Variants in STK25 observed in about 807,000 individuals in gnomAD.
STK25 encodes serine/threonine-protein kinase 25.
STK25 carries 29 observed loss-of-function variants against 53.8 expected under a neutral mutation model. The ratio of observed to expected loss-of-function variants is 0.54; its 90% CI spans 0.40 to 0.74. STK25 has a LOEUF of 0.74. Among genes scored for constraint, STK25 ranks in the 30% least tolerant of loss-of-function variants. The pLI, the probability that STK25 is intolerant of heterozygous loss-of-function variation, is 0.00. For synonymous variants in STK25, 247 were observed against 238.3 expected, an observed-to-expected ratio of 1.04 and a Z score of -0.33; for missense variants, 420 against 568.0, an observed-to-expected ratio of 0.74 and a Z score of 2.65.
In STK25 at chr2:241,492,876, A is replaced by C; in HGVS notation, c.*2786T>G. The C allele has an allele frequency of 1.9e-6, 2 of 1,071,382 alleles. No individual in the cohort carries two copies. Among genetic ancestry groups the C allele is most frequent in the South Asian group, 2.5e-5 (2 of 78,870 alleles). The allele number at this position is 1,071,382 out of a possible 1,614,324, so 66.4% of individuals were successfully genotyped here. ...AGTCTTGGGGAGCAAACCCACTCCC[A>C]CAAGGGGTCCTGGGTGCTGGTTAAT... On this transcript the variant is annotated 3_prime_UTR_variant, in exon 12 of 12. Coordinates refer to ENST00000316586, the MANE Select transcript of STK25 (RefSeq NM_001271977.2).
chr2:241,504,476 C>T (rs2065702067), intron 2 of STK25, among the ~76,000 whole-genome samples: 1 of 152,150 alleles, frequency 6.6e-6, no homozygotes, highest in Non-Finnish European at 1.5e-5. Flanking sequence ...GCTGTGTCTG[C>T]CCCCAGCCCC....
At chr2:241,499,473 C>G in intron 5 of STK25, 59 bp from the exon 6 acceptor site, 1 of 1,573,854 alleles carries the variant, frequency 6.4e-7, no homozygotes, top group Non-Finnish European at 8.6e-7. Context: ...CACCCCGGGC[C>G]CCCTGAGAAG....
Position 241,492,878 on chromosome 2 carries a change from A to G in STK25, c.*2784T>C, listed in dbSNP as rs568726766. 66 of 1,076,822 alleles carry G rather than the reference A, an allele frequency of 6.1e-5. 1 individual carries two copies. The South Asian group carries it at 7.8e-4, about 13-fold the overall frequency. 66.7% of individuals were successfully genotyped at this position (1,076,822 alleles called of 1,614,324 possible). A position where few individuals can be genotyped will look rare whatever the true frequency, so the allele number is the denominator to read the frequency against. On this transcript the variant is annotated 3_prime_UTR_variant, in exon 12 of 12. Transcript: ENST00000316586. Reference sequence around the variant, plus strand: ...TCTTGGGGAGCAAACCCACTCCCACAAGGGGTCCTGGGTGCTGGTTAATGC... The same window carrying G: ...TCTTGGGGAGCAAACCCACTCCCACGAGGGGTCCTGGGTGCTGGTTAATGC...
At position 241,507,990 on chromosome 2, in the gene STK25, C is replaced by G; in HGVS notation, c.30+16G>C. 1 of 1,596,770 alleles carries G rather than the reference C, an allele frequency of 6.3e-7. No homozygotes were observed. Among genetic ancestry groups the G allele is most frequent in the Non-Finnish European group, 8.5e-7 (1 of 1,172,510 alleles). Reference sequence around the variant, plus strand: ...GGTGAGAGGCCGCTAGTCTTCCTGACCTGCACCCTTCTCACCTGGTTGGCA... The same window carrying G: ...GGTGAGAGGCCGCTAGTCTTCCTGAGCTGCACCCTTCTCACCTGGTTGGCA... On this transcript the variant is annotated intron_variant, in intron 2 of 11. Transcript: ENST00000316586.
chr2:241,495,817 T>G, intron 11 of STK25, 116 bp from the exon 12 acceptor site: 3 of 1,013,440 alleles, frequency 3.0e-6, no homozygotes, highest in Non-Finnish European at 3.1e-6. Context: ...ACCACGTGGG[T>G]CTGAAGGTGT....
intron 7 of STK25, 27 bp from the exon 8 acceptor site, chr2:241,498,811 C>T: frequency 6.2e-7 from 1 of 1,613,004 alleles, no homozygotes; most frequent in Admixed American, 1.7e-5. Context: ...GAACACTAGT[C>T]ACTGGGCCCA....
intron 2 of STK25, among the ~76,000 whole-genome samples, chr2:241,502,972 T>A (rs2065601417): frequency 6.6e-6 from 1 of 152,168 alleles, no homozygotes; most frequent in Non-Finnish European, 1.5e-5. Context: ...GCCTAAAAGT[T>A]TCTGAGCCAG....
At chr2:241,504,414 C>T (rs34227388) in intron 2 of STK25, among the ~76,000 whole-genome samples, 19,046 of 152,180 alleles carry the variant, frequency 0.13, 1,315 homozygotes, top group Middle Eastern at 0.15. Context: ...TCAAGAAACT[C>T]GGCAGGATAG....
chr2:241,508,994 G>C (rs762941411), upstream of STK25, among the ~76,000 whole-genome samples: 3 of 152,160 alleles, frequency 2.0e-5, no homozygotes, highest in Non-Finnish European at 4.4e-5. Flanking sequence ...GAGGCCCGGC[G>C]CCCTCCCCGC....
In STK25 at chr2:241,493,001, A is replaced by G; in HGVS notation, c.*2661T>C. Reference sequence around the variant, plus strand: ...CTGGCAGAAGCTCTGGGTCGTCTTTACCAACTTCTGTTTGTTCTTCTACAA... The same window carrying G: ...CTGGCAGAAGCTCTGGGTCGTCTTTGCCAACTTCTGTTTGTTCTTCTACAA... On this transcript the variant is annotated 3_prime_UTR_variant, in exon 12 of 12. Transcript: ENST00000316586. 1 of 1,610,564 alleles carries G rather than the reference A, an allele frequency of 6.2e-7. No homozygotes were observed. Among genetic ancestry groups the G allele is most frequent in the Non-Finnish European group, 8.5e-7 (1 of 1,176,796 alleles).
intron 2 of STK25, 151 bp downstream of exon 2, chr2:241,507,855 C>T: frequency 1.3e-6 from 1 of 775,478 alleles, no homozygotes; most frequent in Non-Finnish European, 2.0e-6. Context: ...GCCCTGCGCC[C>T]ACCTCAGGAC....
At position 241,496,644 on chromosome 2, in the gene STK25, G is replaced by A. The variant is rs893717883; in HGVS notation, c.1105-110C>T. On this transcript the variant is annotated intron_variant, in intron 10 of 11. Coordinates refer to ENST00000316586, the MANE Select transcript of STK25 (RefSeq NM_001271977.2). This position sits in a 1 kb window ranked among gnomAD's most constrained non-coding sequence, Gnocchi z 5.8. Reference sequence around the variant, plus strand: ...GGAGGCCTTCAGGGCTCTCGCCTAGGAGCCACACCCGGGAGCCCTTCAGCA... The same window carrying A: ...GGAGGCCTTCAGGGCTCTCGCCTAGAAGCCACACCCGGGAGCCCTTCAGCA... The A allele has an allele frequency of 9.9e-5, 128 of 1,287,936 alleles. No homozygotes were observed. The highest frequency in any genetic ancestry group is 1.6e-4 in the African/African-American group (11 of 67,534). 79.8% of individuals were successfully genotyped at this position (1,287,936 alleles called of 1,614,324 possible).
At chr2:241,504,593 AG>A (rs1270607125) in intron 2 of STK25, among the ~76,000 whole-genome samples, 1 of 152,190 alleles carries the variant, frequency 6.6e-6, no homozygotes, top group East Asian at 1.9e-4. Context: ...GGCACAGATG[AG>A]GTGAGAACCA....
intron 1 of STK25, 76 bp downstream of exon 1, chr2:241,508,366 CA>C: frequency 8.8e-7 from 1 of 1,140,322 alleles, no homozygotes; most frequent in Non-Finnish European, 1.1e-6. Context: ...GTGTCCCCGC[CA>C]CCGAGCCCCG....
chr2:241,503,989 C>G, intron 2 of STK25: 1 of 470,386 alleles, frequency 2.1e-6, no homozygotes, highest in South Asian at 1.6e-5. Flanking sequence ...AGCTGACCTC[C>G]CAGGGTTCCT....
chr2:241,496,277 G>T lies in STK25; in HGVS notation c.1241+121C>A. 7.9e-7 allele frequency: 1 copy of T among 1,268,762 alleles called. No homozygotes were observed. The highest frequency in any genetic ancestry group is 1.1e-6 in the Non-Finnish European group (1 of 907,912). 78.6% of individuals were successfully genotyped at this position (1,268,762 alleles called of 1,614,324 possible). ...GGATGCCACGCCGCGCCTTCCCAGA[G>T]TGAAGCGAGCCCATGTAGTGCCAAA... is the stretch of plus-strand genomic sequence containing the variant. On this transcript the variant is annotated intron_variant, in intron 11 of 11. Coordinates refer to ENST00000316586, the MANE Select transcript of STK25 (RefSeq NM_001271977.2). This position sits in a 1 kb window ranked among gnomAD's most constrained non-coding sequence, Gnocchi z 5.8.
At position 241,500,782 on chromosome 2, in the gene STK25, C is replaced by A; in HGVS notation, c.276G>T (p.Trp92Cys). 1 of 1,613,928 alleles carries A rather than the reference C, an allele frequency of 6.2e-7. No homozygotes were observed. The highest frequency in any genetic ancestry group is 8.5e-7 in the Non-Finnish European group (1 of 1,179,934). Reference protein sequence around the residue: ...FGSYLKSTKLWIIMEYLGGGS... With the variant: ...FGSYLKSTKLCIIMEYLGGGS... ...CGCCGCCCAGGTACTCCATGATGATCCATAGCTTGGTGCTCTGGGACCGGA... is the reference window on the plus strand; with the variant it reads ...CGCCGCCCAGGTACTCCATGATGATACATAGCTTGGTGCTCTGGGACCGGA... The change falls in exon 4 of 12, where the codon TGG becomes TGT. Residue 92 changes from tryptophan (W) to cysteine (C), a missense_variant. Physicochemically the swap from Trp to Cys is radical, Grantham distance 215 (BLOSUM62 -2). Coordinates refer to ENST00000316586, the MANE Select transcript of STK25 (RefSeq NM_001271977.2).
chr2:241,504,199 G>A (rs901790714), intron 2 of STK25: 3 of 456,388 alleles, frequency 6.6e-6, no homozygotes, highest in African/African-American at 6.0e-5. Context: ...CCTCCATGCA[G>A]CAGCTAGAGC....
Position 241,501,049 on chromosome 2 carries a change from A to T in STK25, c.262-253T>A. 1 of 578,142 alleles carries T rather than the reference A, an allele frequency of 1.7e-6. No individual in the cohort carries two copies. Among genetic ancestry groups the T allele is most frequent in the Non-Finnish European group, 3.1e-6 (1 of 324,024 alleles). 35.8% of individuals were successfully genotyped at this position (578,142 alleles called of 1,614,324 possible). ...TCCACTTCACCAAGACCCCATCAAA[A>T]ACCAGGCTGCTGATCCAGTCCTACA... On this transcript the variant is annotated intron_variant, in intron 3 of 11. Coordinates refer to ENST00000316586, the MANE Select transcript of STK25 (RefSeq NM_001271977.2). The surrounding 1 kb of genome is among the most constrained non-coding windows in gnomAD (Gnocchi z 5.3).
Sources: allele counts gnomAD v4.1 joint callset (sites outside exome capture counted in the v4.1 genomes callset), GRCh38; gene constraint gnomAD v4.1.1; non-coding constraint Gnocchi (gnomAD v3.1); transcripts MANE v1.5; gene names NCBI Gene and HGNC (gene_info 2026-07-23, HGNC 2026-07-21).